Variants in MYO3B observed in about 807,000 individuals in gnomAD.
The protein encoded by MYO3B is myosin IIIB.
A neutral mutation model predicts 174.6 loss-of-function variants in MYO3B; 156 were observed. The observed-to-expected ratio is 0.89, with a 90% CI of 0.78 to 1.02. The LOEUF is 1.02. MYO3B is among the 50% of genes least tolerant of loss of function. The pLI is 0.00. For missense variants in MYO3B, 1,632 were observed against 1,639.4 expected, an observed-to-expected ratio of 1.00 and a Z score of 0.08; for synonymous variants, 563 against 569.1, an observed-to-expected ratio of 0.99 and a Z score of 0.15.
At chr2:170,455,816 G>C (rs764882062) in intron 23 of MYO3B, among the ~76,000 whole-genome samples, 2 of 152,134 alleles carry the variant, frequency 1.3e-5, no homozygotes, top group Non-Finnish European at 2.9e-5. Flanking sequence ...TTATCATGTG[G>C]GCAGAAAGCA....
intron 23 of MYO3B, among the ~76,000 whole-genome samples, chr2:170,453,929 G>A (rs62170689): frequency 6.6e-6 from 1 of 152,124 alleles, no homozygotes; most frequent in Non-Finnish European, 1.5e-5. Context: ...TGGGCAAGAC[G>A]AAGAGTGGAG....
intron 32 of MYO3B, among the ~76,000 whole-genome samples, chr2:170,596,714 A>T (rs539091689): frequency 6.6e-6 from 1 of 152,322 alleles, no homozygotes; most frequent in Non-Finnish European, 1.5e-5. Flanking sequence ...CCCAGGGCCT[A>T]GAGAAGGCCC....
intron 1 of MYO3B, among the ~76,000 whole-genome samples, chr2:170,194,902 G>T (rs1364956520): frequency 6.6e-6 from 1 of 152,160 alleles, no homozygotes; most frequent in African/African-American, 2.4e-5. Flanking sequence ...GAGTCCAAAA[G>T]CTGAAGAACT....
chr2:170,452,455 C>T (rs1299704213), intron 23 of MYO3B, among the ~76,000 whole-genome samples: 2 of 152,094 alleles, frequency 1.3e-5, no homozygotes, highest in East Asian at 3.9e-4. Flanking sequence ...AAGCCTTTTT[C>T]AGAAAAATAT....
chr2:170,405,804 T>G (rs1292047228), intron 21 of MYO3B, among the ~76,000 whole-genome samples, 171 bp downstream of exon 21: 2 of 152,350 alleles, frequency 1.3e-5, no homozygotes, highest in East Asian at 3.9e-4. Flanking sequence ...TCACAGAAAG[T>G]TGCCCCTGGC....
At chr2:170,232,253 T>C (rs2093023238) in intron 6 of MYO3B, among the ~76,000 whole-genome samples, 1 of 152,204 alleles carries the variant, frequency 6.6e-6, no homozygotes, top group South Asian at 2.1e-4. Context: ...AAGAGAATGA[T>C]AGTAGTGTTT....
At chr2:170,581,567 T>C (rs1693151674) in intron 32 of MYO3B, among the ~76,000 whole-genome samples, 1 of 151,882 alleles carries the variant, frequency 6.6e-6, no homozygotes, top group Non-Finnish European at 1.5e-5. Context: ...TTATATCTTT[T>C]TAAAGTTTTA....
At chr2:170,262,251 A>G (rs1179376283) in intron 7 of MYO3B, among the ~76,000 whole-genome samples, 2 of 152,214 alleles carry the variant, frequency 1.3e-5, no homozygotes, top group Non-Finnish European at 2.9e-5. Flanking sequence ...GAACATTAGC[A>G]AAGGAATAGC....
intron 30 of MYO3B, among the ~76,000 whole-genome samples, chr2:170,533,435 G>A (rs1432883078): frequency 2.1e-5 from 3 of 143,250 alleles, no homozygotes; most frequent in African/African-American, 7.7e-5. Flanking sequence ...TGGGGGGGGG[G>A]TGTGCAGTGG....
Position 170,217,416 on chromosome 2 carries a change from T to A in MYO3B, c.603+21T>A, listed in dbSNP as rs571433673. ...CTGAGGTAAGCTGGAAATACCTAGTTCTTTCTTTGCACTTGTTGAATGCCT... is the reference window on the plus strand; with the variant it reads ...CTGAGGTAAGCTGGAAATACCTAGTACTTTCTTTGCACTTGTTGAATGCCT... On this transcript the variant is annotated intron_variant, in intron 6 of 34. Coordinates refer to ENST00000408978, the MANE Select transcript of MYO3B (RefSeq NM_138995.5). The A allele has an allele frequency of 3.0e-5, 48 of 1,596,944 alleles. 1 individual carries two copies. The South Asian group carries it at 4.7e-4, about 16-fold the overall frequency.
At position 170,405,562 on chromosome 2, in the gene MYO3B, C is replaced by A. The variant is rs1268913335; in HGVS notation, c.2449C>A (p.Leu817Ile). 1 of 1,614,106 alleles carries A rather than the reference C, an allele frequency of 6.2e-7. No homozygotes were observed. The highest frequency in any genetic ancestry group is 8.5e-7 in the Non-Finnish European group (1 of 1,179,954). The change falls in exon 21 of 35, where the codon CTA (leucine) becomes ATA (isoleucine). Residue 817 changes from leucine to isoleucine, a missense_variant. By Grantham distance (5) the Leu-to-Ile change is conservative. Transcript: ENST00000408978. The part of the protein sequence containing the change: ...QTLVDKFEDN[L>I]RCKYFWRPKG... ...CCACACAGATAAATTTGAAGATAATCTACGATGCAAATACTTCTGGAGGCC... is the reference window on the plus strand; with the variant it reads ...CCACACAGATAAATTTGAAGATAATATACGATGCAAATACTTCTGGAGGCC...
intron 5 of MYO3B, among the ~76,000 whole-genome samples, chr2:170,215,573 G>A (rs1468280115): frequency 6.6e-6 from 1 of 151,826 alleles, no homozygotes; most frequent in East Asian, 1.9e-4. Flanking sequence ...TTTTTTAAAA[G>A]AATATTTATT....
intron 7 of MYO3B, among the ~76,000 whole-genome samples, chr2:170,240,661 C>T (rs2093121046): frequency 6.6e-6 from 1 of 152,162 alleles, no homozygotes; most frequent in Non-Finnish European, 1.5e-5. Flanking sequence ...GAAAGTGGTC[C>T]TGCCCTTTAA....
intron 23 of MYO3B, among the ~76,000 whole-genome samples, chr2:170,452,569 A>T (rs1016134495): frequency 6.6e-6 from 1 of 152,196 alleles, no homozygotes; most frequent in Admixed American, 6.5e-5. Flanking sequence ...GTTTTTTAAA[A>T]AAACTTTTAA....
rs1452318450 is a variant in MYO3B at position 170,499,943 on chromosome 2, C to T, written c.3289+135C>T. ...CTCCCCTCCCTCCCTCCCTTCCTTC[C>T]TTCCTTCTTTCCTTCCTTCCTTCCT... On this transcript the variant is annotated intron_variant, in intron 27 of 34. Coordinates refer to ENST00000408978, the MANE Select transcript of MYO3B (RefSeq NM_138995.5). The T allele has an allele frequency of 1.6e-5, 11 of 683,370 alleles. No individual in the cohort carries two copies. In the African/African-American group the frequency reaches 1.9e-4, roughly 11 times the overall value. The allele number at this position is 683,370 out of a possible 1,614,324, so 42.3% of individuals were successfully genotyped here.
At chr2:170,364,422 G>A (rs2094183681) in intron 8 of MYO3B, among the ~76,000 whole-genome samples, 1 of 152,024 alleles carries the variant, frequency 6.6e-6, no homozygotes, top group African/African-American at 2.4e-5. Flanking sequence ...TTTTTTTGAT[G>A]GAATGCTTTA....
intron 32 of MYO3B, among the ~76,000 whole-genome samples, chr2:170,570,368 C>T (rs1435090943): frequency 1.3e-5 from 2 of 152,154 alleles, no homozygotes; most frequent in Non-Finnish European, 2.9e-5. Context: ...TTCTTTTACG[C>T]TAGGAAACCT....
intron 8 of MYO3B, chr2:170,345,172 G>T (rs1037246039): frequency 6.6e-6 from 1 of 152,140 alleles, no homozygotes; most frequent in Non-Finnish European, 1.5e-5. Flanking sequence ...GGAAATGCAG[G>T]CTCATGTCAC....
At chr2:170,533,879 T>G (rs1027700172) in intron 30 of MYO3B, among the ~76,000 whole-genome samples, 1 of 152,198 alleles carries the variant, frequency 6.6e-6, no homozygotes, top group African/African-American at 2.4e-5. Context: ...AGGCAAGAGT[T>G]TTTATTTATA....
Sources: allele counts gnomAD v4.1 joint callset (sites outside exome capture counted in the v4.1 genomes callset), GRCh38; gene constraint gnomAD v4.1.1; transcripts MANE v1.5; gene names NCBI Gene and HGNC (gene_info 2026-07-23, HGNC 2026-07-21).